The following OXR1 variants were observed in gnomAD, a reference collection of about 807,000 sequenced individuals.
The protein encoded by OXR1 is oxidation resistance protein 1.
A neutral mutation model predicts 104.6 loss-of-function variants in OXR1; 41 were observed. The ratio of observed to expected loss-of-function variants is 0.39; its 90% CI spans 0.31 to 0.51. OXR1 has a LOEUF of 0.51. Ranked by LOEUF, OXR1 falls within the 20% of genes least tolerant of loss-of-function variation. The probability of loss-of-function intolerance (pLI) is 0.77; values close to 1 mark genes in which losing one functional copy is unlikely to be tolerated. For missense variants in OXR1, 955 were observed against 1,031.9 expected, an observed-to-expected ratio of 0.93 and a Z score of 1.02; for synonymous variants, 348 against 348.4, an observed-to-expected ratio of 1.00 and a Z score of 0.01.
chr8:106,740,705 T>C (rs1359735753), intron 14 of OXR1, among the ~76,000 whole-genome samples: 1 of 152,140 alleles, frequency 6.6e-6, no homozygotes, highest in East Asian at 1.9e-4. Context: ...AAAGGGATTA[T>C]AGAGTGGTAG....
intron 2 of OXR1, among the ~76,000 whole-genome samples, chr8:106,437,862 C>T (rs1373404871): frequency 6.6e-6 from 1 of 152,094 alleles, no homozygotes; most frequent in Non-Finnish European, 1.5e-5. Context: ...GATGCCTCCT[C>T]CTAGGAATTT....
chr8:106,477,779 T>C (rs995375581), intron 2 of OXR1, among the ~76,000 whole-genome samples: 1 of 151,998 alleles, frequency 6.6e-6, no homozygotes, highest in African/African-American at 2.4e-5. Flanking sequence ...AGGTCATCTG[T>C]AGTGTCTGGC....
intron 3 of OXR1, among the ~76,000 whole-genome samples, chr8:106,537,899 T>G (rs1470195318): frequency 1.3e-5 from 2 of 150,774 alleles, no homozygotes; most frequent in African/African-American, 2.4e-5. Context: ...GAGGGGAGGG[T>G]GAAATTATGA....
At chr8:106,465,965 T>G (rs1447747262) in intron 2 of OXR1, among the ~76,000 whole-genome samples, 1 of 152,030 alleles carries the variant, frequency 6.6e-6, no homozygotes, top group Non-Finnish European at 1.5e-5. Flanking sequence ...CAAATGAGAC[T>G]GACTCAGACA....
intron 2 of OXR1, among the ~76,000 whole-genome samples, chr8:106,504,300 TTGAAA>T (rs1812009665): frequency 6.6e-6 from 1 of 152,202 alleles, no homozygotes; most frequent in African/African-American, 2.4e-5. Flanking sequence ...AGGAGCACCC[TTGAAA>T]CTATAGTGCT....
intron 8 of OXR1, among the ~76,000 whole-genome samples, chr8:106,705,853 G>C (rs1289208904): frequency 6.6e-6 from 1 of 151,972 alleles, no homozygotes; most frequent in African/African-American, 2.4e-5. Context: ...ACTTTTGCTT[G>C]AGTTTTATTC....
At chr8:106,723,550 T>G (rs1335478052) in intron 11 of OXR1, among the ~76,000 whole-genome samples, 1 of 150,370 alleles carries the variant, frequency 6.7e-6, no homozygotes, top group African/African-American at 2.5e-5. Flanking sequence ...CGCACACCTG[T>G]GATCCCAGCT....
In OXR1 at chr8:106,716,390, C is replaced by T. The variant is rs1232359198; in HGVS notation, c.1956+2405C>T. Among the ~76,000 whole-genome samples the T allele has an allele frequency of 7.6e-5, 2 of 26,332 alleles. 1 individual carries two copies. The highest frequency in any genetic ancestry group is 3.0e-3 in the East Asian group (2 of 662). The allele number at this position is 26,332 out of a possible 152,430, so 17.3% of individuals were successfully genotyped here. On this transcript the variant is annotated intron_variant, in intron 11 of 16. Coordinates refer to ENST00000517566, the MANE Select transcript of OXR1 (RefSeq NM_001198533.2). ...CTGTAATCCCAGCACTTTGGGAGGC[C>T]GAGGCGGGTGGATCATGAGGTCAGG...
At chr8:106,423,411 A>G (rs1028629742) in intron 2 of OXR1, among the ~76,000 whole-genome samples, 7 of 152,168 alleles carry the variant, frequency 4.6e-5, no homozygotes, top group African/African-American at 1.7e-4. Flanking sequence ...TTCAAACTAA[A>G]TGACTGGGGT....
intron 2 of OXR1, among the ~76,000 whole-genome samples, chr8:106,443,432 T>A (rs773940617): frequency 6.6e-6 from 1 of 152,170 alleles, no homozygotes; most frequent in East Asian, 1.9e-4. Flanking sequence ...GTCTACTTGA[T>A]CCAGAGCTGA....
intron 2 of OXR1, among the ~76,000 whole-genome samples, chr8:106,425,591 C>T (rs1819083880): frequency 6.6e-6 from 1 of 152,132 alleles, no homozygotes; most frequent in Admixed American, 6.5e-5. Context: ...AAAAGGGACA[C>T]ACCATCTGCA....
At chr8:106,283,521 G>C (rs369359001) in intron 1 of OXR1, among the ~76,000 whole-genome samples, 1 of 152,178 alleles carries the variant, frequency 6.6e-6, no homozygotes, top group East Asian at 1.9e-4. Flanking sequence ...TACCATCCTT[G>C]CCTAGATCTA....
At chr8:106,581,216 C>A (rs1818196578) in intron 3 of OXR1, 1 of 1,286,918 alleles carries the variant, frequency 7.8e-7, no homozygotes, top group Non-Finnish European at 1.0e-6. Context: ...AAGCTGAATT[C>A]CAAGGAAATA....
chr8:106,647,238 T>C (rs1203072823), intron 3 of OXR1, among the ~76,000 whole-genome samples: 1 of 152,224 alleles, frequency 6.6e-6, no homozygotes, highest in Non-Finnish European at 1.5e-5. Flanking sequence ...TAGTAGGGTT[T>C]GTAATTATTA....
chr8:106,336,433 T>A (rs1242142807), intron 1 of OXR1, among the ~76,000 whole-genome samples: 2 of 152,232 alleles, frequency 1.3e-5, no homozygotes, highest in African/African-American at 4.8e-5. Context: ...TCACTCCCTA[T>A]TGAAGCAGTA....
At chr8:106,484,802 A>T (rs547052473) in intron 2 of OXR1, among the ~76,000 whole-genome samples, 4 of 152,068 alleles carry the variant, frequency 2.6e-5, no homozygotes, top group African/African-American at 7.2e-5. Flanking sequence ...AAAACTAAAC[A>T]TATACTTACC....
rs139479751 is a variant in OXR1 at position 106,440,641 on chromosome 8, T to C, written c.24-78302T>C. 2.2e-3 allele frequency among the ~76,000 whole-genome samples: 335 copies of C among 152,222 alleles called. 2 individuals are homozygous for C. The highest frequency in any genetic ancestry group is 0.017 in the Middle Eastern group (5 of 294). ...AGATTACTAGCCACAGTTTCCACTC[T>C]CATTTTTTCTTTTCAGGAAGGCATA... On this transcript the variant is annotated intron_variant, in intron 2 of 16. Transcript: ENST00000517566.
chr8:106,455,092 G>A (rs939627777), intron 2 of OXR1, among the ~76,000 whole-genome samples: 3 of 152,120 alleles, frequency 2.0e-5, no homozygotes, highest in Admixed American at 1.3e-4. Flanking sequence ...ATTTGCTTAT[G>A]GAGTGGTTTA....
intron 1 of OXR1, among the ~76,000 whole-genome samples, chr8:106,328,945 T>G (rs1814592172): frequency 6.6e-6 from 1 of 152,188 alleles, no homozygotes; most frequent in Non-Finnish European, 1.5e-5. Context: ...TTTGGCCCTC[T>G]GCTTATCACA....
Sources: gnomAD v4.1 joint callset for allele counts (sites outside exome capture counted in the v4.1 genomes callset) on GRCh38, gnomAD v4.1.1 for gene constraint, MANE v1.5 for transcripts, NCBI Gene and HGNC (gene_info 2026-07-23, HGNC 2026-07-21) for gene names.